PIP5K1A: variants seen among roughly 807,000 people sequenced by gnomAD.
PIP5K1A encodes the protein phosphatidylinositol-4-phosphate 5-kinase type 1 alpha, also known as phosphatidylinositol 4-phosphate 5-kinase type-1 alpha.
In PIP5K1A, 46 loss-of-function variants were observed where a neutral mutation model predicts 72.9. The ratio of observed to expected loss-of-function variants is 0.63; its 90% CI spans 0.50 to 0.81. The LOEUF is 0.81. PIP5K1A is among the 30% of genes least tolerant of loss of function. The probability of loss-of-function intolerance (pLI) is 0.00; values close to 1 mark genes in which losing one functional copy is unlikely to be tolerated. For missense variants in PIP5K1A, 458 were observed against 706.1 expected (o/e 0.65, Z 3.98); for synonymous variants, 228 against 255.1 (o/e 0.89, Z 1.01).
intron 11 of PIP5K1A, 49 bp downstream of exon 11, chr1:151,239,227 C>A: frequency 1.7e-6 from 2 of 1,181,770 alleles, no homozygotes; most frequent in Non-Finnish European, 2.5e-6. Context: ...CTGCCTCCAT[C>A]ACTTCTGATT....
chr1:151,207,286 G>A (rs1277481901), intron 1 of PIP5K1A, among the ~76,000 whole-genome samples: 1 of 152,180 alleles, frequency 6.6e-6, no homozygotes, highest in Non-Finnish European at 1.5e-5. Context: ...TCTTGGCCAT[G>A]GGTAGCTTAT....
At chr1:151,236,239 G>A (rs1253995723) in intron 8 of PIP5K1A, among the ~76,000 whole-genome samples, 1 of 152,008 alleles carries the variant, frequency 6.6e-6, no homozygotes. Context: ...CAGCACTTTG[G>A]AAGACTGAGA....
chr1:151,218,014 G>A (rs374085407), intron 1 of PIP5K1A, among the ~76,000 whole-genome samples: 1 of 152,112 alleles, frequency 6.6e-6, no homozygotes, highest in Non-Finnish European at 1.5e-5. Context: ...GGCCTCAGGT[G>A]ATCCACTGCC....
intron 1 of PIP5K1A, among the ~76,000 whole-genome samples, chr1:151,206,149 C>CT (rs879618753): frequency 2.2e-4 from 33 of 152,272 alleles, no homozygotes; most frequent in Admixed American, 4.6e-4. Context: ...TTGAAGTGAA[C>CT]TTTTTTCCCT....
intron 1 of PIP5K1A, among the ~76,000 whole-genome samples, chr1:151,216,402 T>G (rs1041106893): frequency 6.6e-6 from 1 of 151,946 alleles, no homozygotes; most frequent in Non-Finnish European, 1.5e-5. Flanking sequence ...GTTCATGGTC[T>G]TCTTCTAAGA....
chr1:151,236,821 CTT>C (rs369523470), intron 9 of PIP5K1A, 58 bp downstream of exon 9: 13,031 of 489,364 alleles, frequency 0.027, no homozygotes, highest in Middle Eastern at 0.039. Flanking sequence ...CTTTTCTTTT[CTT>C]TTTTTTTTTT....
At chr1:151,232,448 G>A (rs1690234939) in intron 6 of PIP5K1A, 83 bp downstream of exon 6, 9 of 1,494,818 alleles carry the variant, frequency 6.0e-6, no homozygotes, top group Admixed American at 3.4e-5. Flanking sequence ...CCACAGTCTC[G>A]CTCTGGTTTT....
chr1:151,198,823 C>T lies in PIP5K1A; in HGVS notation c.-174C>T. ...CCCCATGCCAGGCGAATGGTGTGGCCTTGAGCTGGTCCAGGAGCCGGCTCG... is the reference window on the plus strand; with the variant it reads ...CCCCATGCCAGGCGAATGGTGTGGCTTTGAGCTGGTCCAGGAGCCGGCTCG... On this transcript the variant is annotated 5_prime_UTR_variant, in exon 1 of 16. Transcript: ENST00000368888. 1 of 690,828 alleles carries T rather than the reference C, an allele frequency of 1.4e-6. No homozygotes were observed. The highest frequency in any genetic ancestry group is 2.6e-6 in the Non-Finnish European group (1 of 389,428). The allele number at this position is 690,828 out of a possible 1,614,324, so 42.8% of individuals were successfully genotyped here. A position where few individuals can be genotyped will look rare whatever the true frequency, so the allele number is the denominator to read the frequency against.
At chr1:151,207,234 A>G (rs925430016) in intron 1 of PIP5K1A, among the ~76,000 whole-genome samples, 1 of 152,234 alleles carries the variant, frequency 6.6e-6, no homozygotes, top group African/African-American at 2.4e-5. Flanking sequence ...AGATTTGGAA[A>G]TAAAATTGGA....
intron 1 of PIP5K1A, among the ~76,000 whole-genome samples, chr1:151,214,412 G>A (rs957849290): frequency 4.6e-5 from 7 of 151,382 alleles, no homozygotes; most frequent in Non-Finnish European, 8.8e-5. Context: ...ATAGAGTTTC[G>A]CTCTGTTGCC....
At chr1:151,195,715 C>A (rs587664987), upstream of PIP5K1A, among the ~76,000 whole-genome samples, 92 of 151,388 alleles carry the variant, frequency 6.1e-4, 1 homozygote, top group Non-Finnish European at 1.0e-3. Flanking sequence ...CCACTGCACT[C>A]CAGCCTGGGT....
chr1:151,215,550 C>T (rs1409162670), intron 1 of PIP5K1A, among the ~76,000 whole-genome samples: 1 of 151,774 alleles, frequency 6.6e-6, no homozygotes, highest in Non-Finnish European at 1.5e-5. Context: ...GGAGGCTGGT[C>T]TTGTGAACTC....
rs368161793 is a variant in PIP5K1A, at chr1:151,247,891, C to T, written c.*26C>T. On this transcript the variant is annotated 3_prime_UTR_variant, in exon 16 of 16. Transcript: ENST00000368888. The stretch of plus-strand genomic sequence containing the variant: ...GCGCAAAGCCTCAGAAGACCTGGAA[C>T]AAGATTCTGCCATCTCTGTGATCCC... 126 of 1,602,882 alleles carry T rather than the reference C, an allele frequency of 7.9e-5. No individual in the cohort carries two copies. The African/African-American group carries it at 1.5e-3, about 19-fold the overall frequency.
In PIP5K1A at chr1:151,239,139, G is replaced by T. The variant is rs898847926; in HGVS notation, c.1239G>T (p.Lys413Asn). ...IDILQSYRFV[K>N]KLEHSWKALV... ...TACATTTTTCTTGCAGGTTTGTTAA[G>T]AAGTTGGAGCACTCTTGGAAAGCCC... Residue 413 changes from lysine (K) to asparagine (N), a missense_variant, in exon 11 of 16, where the codon AAG becomes AAT. Around this residue, in one of 3 missense-constraint regions of PIP5K1A, gnomAD observed 220 missense variants for 442.6 expected, o/e 0.50. Transcript: ENST00000368888. 6 of 1,611,144 alleles carry T rather than the reference G, an allele frequency of 3.7e-6. No homozygotes were observed. Among genetic ancestry groups the T allele is most frequent in the Non-Finnish European group, 3.4e-6 (4 of 1,177,424 alleles).
intron 1 of PIP5K1A, among the ~76,000 whole-genome samples, chr1:151,209,360 G>A (rs1338290538): frequency 1.3e-5 from 2 of 151,578 alleles, no homozygotes; most frequent in African/African-American, 4.8e-5. Context: ...TGCAACCTCC[G>A]CCTCCTGGGT....
chr1:151,213,476 A>G (rs12140371), intron 1 of PIP5K1A: 3,445 of 152,218 alleles, frequency 0.023, 62 homozygotes, highest in Non-Finnish European at 0.034. Flanking sequence ...TCCCTGTTTT[A>G]TAGGAGAGTG....
At chr1:151,213,281 T>C (rs587688192) in intron 1 of PIP5K1A, among the ~76,000 whole-genome samples, 2 of 152,316 alleles carry the variant, frequency 1.3e-5, no homozygotes, top group Non-Finnish European at 2.9e-5. Context: ...CAGAGTAGGC[T>C]TGACATTGTA....
chr1:151,229,847 G>T (rs974624263), intron 4 of PIP5K1A, among the ~76,000 whole-genome samples: 1 of 151,248 alleles, frequency 6.6e-6, no homozygotes, highest in African/African-American at 2.4e-5. Context: ...ACTTTGGGAG[G>T]CCGAGGCAGG....
intron 11 of PIP5K1A, among the ~76,000 whole-genome samples, 195 bp downstream of exon 11, chr1:151,239,373 A>G (rs1002681092): frequency 1.3e-5 from 2 of 151,476 alleles, no homozygotes; most frequent in African/African-American, 4.9e-5. Context: ...CGCAGTTTCA[A>G]GTGATTCTCC....
Sources: allele counts gnomAD v4.1 joint callset (sites outside exome capture counted in the v4.1 genomes callset), GRCh38; gene constraint gnomAD v4.1.1; regional missense constraint gnomAD v4.1.1; transcripts MANE v1.5; gene names NCBI Gene and HGNC (gene_info 2026-07-23, HGNC 2026-07-21).